The following ATP6V0A4 variants were observed in gnomAD, a reference collection of about 807,000 sequenced individuals.
ATP6V0A4 encodes ATPase H+ transporting V0 subunit a4.
Under a neutral mutation model 107.3 loss-of-function variants are expected in ATP6V0A4, and 86 were observed. That is an observed-to-expected ratio of 0.80 (90% CI 0.67 to 0.96). ATP6V0A4 has a LOEUF of 0.96. Ranked by LOEUF, ATP6V0A4 falls within the 40% of genes least tolerant of loss-of-function variation. ATP6V0A4 has a pLI of 0.00. For synonymous variants in ATP6V0A4, 353 were observed against 381.4 expected (o/e 0.93, Z 0.87); for missense variants, 908 against 1,045.6 (o/e 0.87, Z 1.81).
intron 7 of ATP6V0A4, among the ~76,000 whole-genome samples, chr7:138,760,460 A>AAAAAAAAG (rs1806752736): frequency 3.4e-5 from 5 of 145,008 alleles, no homozygotes; most frequent in African/African-American, 5.2e-5. Flanking sequence ...AAAAAAAAAA[A>AAAAAAAAG]AAAAGAATAT....
intron 11 of ATP6V0A4, 189 bp from the exon 12 acceptor site, chr7:138,749,506 CT>C (rs1806124802): frequency 1.1e-5 from 2 of 183,488 alleles, no homozygotes; most frequent in South Asian, 3.7e-4. Context: ...TCCAATTCAT[CT>C]CATGGGAGGG....
chr7:138,793,645 T>C (rs1465951160), intron 1 of ATP6V0A4, among the ~76,000 whole-genome samples: 9 of 152,090 alleles, frequency 5.9e-5, no homozygotes. Context: ...CATCAAAAAA[T>C]AGAAATCATC....
chr7:138,717,047 G>A (rs576749025), intron 19 of ATP6V0A4, among the ~76,000 whole-genome samples: 63 of 152,286 alleles, frequency 4.1e-4, no homozygotes, highest in African/African-American at 1.5e-3. Flanking sequence ...GGGCTCTGAG[G>A]CTCCTAAGCC....
chr7:138,727,880 C>G (rs961426366), intron 18 of ATP6V0A4, among the ~76,000 whole-genome samples: 40 of 152,084 alleles, frequency 2.6e-4, no homozygotes, highest in Admixed American at 7.2e-4. Flanking sequence ...GCTTCACCCC[C>G]CTAGTACATC....
chr7:138,729,033 G>A (rs957479219), intron 17 of ATP6V0A4, 171 bp from the exon 18 acceptor site: 2 of 826,326 alleles, frequency 2.4e-6, no homozygotes, highest in African/African-American at 1.9e-5. Context: ...CTTGCAGATA[G>A]AGAAATATCT....
intron 1 of ATP6V0A4, 127 bp downstream of exon 1, chr7:138,797,907 A>C (rs1808760644): frequency 1.5e-6 from 2 of 1,348,532 alleles, no homozygotes; most frequent in Non-Finnish European, 2.0e-6. Flanking sequence ...CCTTCTAGAG[A>C]GGTGAGAGAA....
At chr7:138,767,548 A>G (rs1190106644) in intron 5 of ATP6V0A4, among the ~76,000 whole-genome samples, 1 of 150,344 alleles carries the variant, frequency 6.7e-6, no homozygotes, top group Non-Finnish European at 1.5e-5. Context: ...GGTCCAAAAT[A>G]TTTTCTAGAA....
rs140724501 is a variant in ATP6V0A4, at chr7:138,756,330, A to G, written c.722+128T>C. The G allele has an allele frequency of 7.3e-3, 10,917 of 1,495,116 alleles. 49 individuals carry two copies. The highest frequency in any genetic ancestry group is 8.8e-3 in the Non-Finnish European group (9,663 of 1,093,674). The allele number at this position is 1,495,116 out of a possible 1,614,324, so 92.6% of individuals were successfully genotyped here. On this transcript the variant is annotated intron_variant, in intron 9 of 21. Coordinates refer to ENST00000310018, the MANE Select transcript of ATP6V0A4 (RefSeq NM_020632.3). ...TAAAAATCAGTTGGGGCTGACTTTT[A>G]TGTGAGAAAGTTATTCTAAAGCCTT...
At chr7:138,797,219 T>TC (rs1563027841) in intron 1 of ATP6V0A4, among the ~76,000 whole-genome samples, 2 of 148,072 alleles carry the variant, frequency 1.4e-5, no homozygotes, top group African/African-American at 5.0e-5. Context: ...TTTTTTTTTT[T>TC]TTTTTTTTTT....
At chr7:138,755,624 T>A in intron 10 of ATP6V0A4, 65 bp downstream of exon 10, 1 of 1,605,228 alleles carries the variant, frequency 6.2e-7, no homozygotes, top group Non-Finnish European at 8.5e-7. Context: ...AGGGCTTGTA[T>A]GAAAACAGCA....
At chr7:138,712,078 G>A (rs12374763) in intron 20 of ATP6V0A4, among the ~76,000 whole-genome samples, 45,217 of 152,018 alleles carry the variant, frequency 0.3, 6,890 homozygotes, top group Admixed American at 0.38. Flanking sequence ...GATTACAGGC[G>A]TGTGCCACCA....
rs1442050981 is a variant in ATP6V0A4 at position 138,759,833 on chromosome 7, C to T, written c.558G>A (p.Glu186=). 2 of 1,614,014 alleles carry T rather than the reference C, an allele frequency of 1.2e-6. No individual in the cohort carries two copies. Among genetic ancestry groups the T allele is most frequent in the Non-Finnish European group, 1.7e-6 (2 of 1,180,038 alleles). The stretch of plus-strand genomic sequence containing the variant: ...CTCGGCAGATTCGCCACAGTAACCG[C>T]TCAAAGGAAGCCATCCTCTCCCTGT... The part of the protein sequence containing the change: ...VINRERMASF[E]RLLWRICRGN... The change falls in exon 8 of 22, where the codon GAG becomes GAA. Residue 186 remains glutamate (E), a synonymous_variant. Transcript: ENST00000310018.
intron 18 of ATP6V0A4, among the ~76,000 whole-genome samples, chr7:138,726,393 TG>T (rs550657151): frequency 6.6e-6 from 1 of 152,092 alleles, no homozygotes; most frequent in Non-Finnish European, 1.5e-5. Context: ...AAACAGAACG[TG>T]GGGGGCCTGG....
At chr7:138,783,000 G>A (rs7777163) in intron 2 of ATP6V0A4, among the ~76,000 whole-genome samples, 87,285 of 151,948 alleles carry the variant, frequency 0.57, 25,420 homozygotes, top group African/African-American at 0.64. Context: ...GCTTGAACCC[G>A]AGAGGCGGAG....
chr7:138,780,715 G>A (rs564675619), intron 2 of ATP6V0A4, among the ~76,000 whole-genome samples: 2 of 152,084 alleles, frequency 1.3e-5, no homozygotes, highest in South Asian at 2.1e-4. Context: ...ACCAACCTGG[G>A]CAACATAGTG....
At chr7:138,784,211 A>T (rs1808040314) in intron 2 of ATP6V0A4, among the ~76,000 whole-genome samples, 1 of 131,388 alleles carries the variant, frequency 7.6e-6, no homozygotes. Context: ...GAATCCTTAA[A>T]CATTATATAT....
chr7:138,716,710 T>C (rs180722125), intron 19 of ATP6V0A4, among the ~76,000 whole-genome samples: 2 of 152,034 alleles, frequency 1.3e-5, no homozygotes, highest in Non-Finnish European at 2.9e-5. Context: ...ACTACAGGCA[T>C]GCATCACCAT....
intron 20 of ATP6V0A4, among the ~76,000 whole-genome samples, chr7:138,715,144 G>A (rs1390054661): frequency 5.9e-5 from 9 of 152,210 alleles, no homozygotes; most frequent in Admixed American, 5.9e-4. Context: ...CCCACGCCTT[G>A]ATTTTAGGAC....
At chr7:138,766,200 A>ATTTTTTT (rs1398843206) in intron 5 of ATP6V0A4, among the ~76,000 whole-genome samples, 1 of 84,320 alleles carries the variant, frequency 1.2e-5, no homozygotes. Flanking sequence ...TCATGTTATT[A>ATTTTTTT]TTATTTTTTT....
Sources: gnomAD v4.1 joint callset for allele counts (sites outside exome capture counted in the v4.1 genomes callset) on GRCh38, gnomAD v4.1.1 for gene constraint, MANE v1.5 for transcripts, NCBI Gene and HGNC (gene_info 2026-07-23, HGNC 2026-07-21) for gene names.